RPTOR: variants seen among roughly 807,000 people sequenced by gnomAD.
The protein encoded by RPTOR is regulatory-associated protein of mTOR.
In RPTOR, 21 loss-of-function variants were observed where a neutral mutation model predicts 169.9. That is an observed-to-expected ratio of 0.12 (90% CI 0.09 to 0.18). The LOEUF is 0.18. RPTOR is among the 10% of genes least tolerant of loss of function. The pLI is 1.00. For missense variants in RPTOR, 1,133 were observed against 1,855.9 expected, an observed-to-expected ratio of 0.61 and a Z score of 7.16; for synonymous variants, 732 against 753.2, an observed-to-expected ratio of 0.97 and a Z score of 0.46.
At chr17:80,945,821 G>A (rs2069096333) in intron 26 of RPTOR, 40 bp downstream of exon 26, 7 of 1,257,592 alleles carry the variant, frequency 5.6e-6, no homozygotes, top group Middle Eastern at 2.3e-4. Flanking sequence ...CCGGCTGACC[G>A]ACAGCCCCAG....
At position 80,923,681 on chromosome 17, in the gene RPTOR, AGCCCGGCT is replaced by A. The variant is rs1242659380; in HGVS notation, c.2808+12_2808+19del. On this transcript the variant is annotated intron_variant, in intron 23 of 33. Coordinates refer to ENST00000306801, the MANE Select transcript of RPTOR (RefSeq NM_020761.3). ...GACAAGGGCCCAGAGCAGGTACGGG[AGCCCGGCT>A]GCCTGGTGATCTGGACACTGAGAGC... 6.3e-7 allele frequency: 1 copy of A among 1,576,580 alleles called. No homozygotes were observed. Among genetic ancestry groups the A allele is most frequent in the African/African-American group, 1.4e-5 (1 of 74,018 alleles).
intron 21 of RPTOR, among the ~76,000 whole-genome samples, chr17:80,916,943 A>G (rs2068680406): frequency 6.6e-6 from 1 of 152,096 alleles, no homozygotes; most frequent in Admixed American, 6.5e-5. Context: ...AGCCAAGATC[A>G]CACCACTGCA....
At chr17:80,863,359 G>A (rs2143772369) in intron 13 of RPTOR, among the ~76,000 whole-genome samples, 1 of 152,266 alleles carries the variant, frequency 6.6e-6, no homozygotes, top group Admixed American at 6.5e-5. Flanking sequence ...AAATTACCAG[G>A]CAGATAGAAT....
intron 25 of RPTOR, among the ~76,000 whole-genome samples, chr17:80,945,131 A>G (rs184954858): frequency 4.6e-5 from 7 of 152,030 alleles, no homozygotes; most frequent in Admixed American, 4.6e-4. Flanking sequence ...CTGTCTCAAC[A>G]AAAAACAAAA....
chr17:80,930,194 TGCCCA>T, intron 24 of RPTOR, among the ~76,000 whole-genome samples: 1 of 106,296 alleles, frequency 9.4e-6, no homozygotes, highest in South Asian at 3.3e-4. Context: ...CCCCAGCTCA[TGCCCA>T]GCTCATCCCC....
rs184162620 is a variant in RPTOR, at chr17:80,626,877, G to A, written c.265+1084G>A. Among the ~76,000 whole-genome samples the A allele has an allele frequency of 4.3e-3, 645 of 151,536 alleles. 4 individuals are homozygous for A. The highest frequency in any genetic ancestry group is 6.9e-3 in the Non-Finnish European group (466 of 67,918). ...TGAAATAATTCATAATGTTGTGCAA[G>A]CATCCTCACTGTCCATCTCTAGAAC... On this transcript the variant is annotated intron_variant, in intron 2 of 33. Coordinates refer to ENST00000306801, the MANE Select transcript of RPTOR (RefSeq NM_020761.3).
chr17:80,666,701 T>G (rs140963894), intron 3 of RPTOR, among the ~76,000 whole-genome samples: 301 of 152,332 alleles, frequency 2.0e-3, no homozygotes, highest in African/African-American at 7.0e-3. Context: ...CTTCAGCCTC[T>G]GTGAGCAGCG....
At chr17:80,916,075 C>G (rs983807514) in intron 21 of RPTOR, among the ~76,000 whole-genome samples, 1 of 152,176 alleles carries the variant, frequency 6.6e-6, no homozygotes, top group Non-Finnish European at 1.5e-5. Context: ...TTCCTGGATG[C>G]AGGACAAGAA....
At chr17:80,964,238 C>A (rs369516384) in intron 33 of RPTOR, 24 bp from the exon 34 acceptor site, 36 of 1,600,816 alleles carry the variant, frequency 2.2e-5, no homozygotes, top group Non-Finnish European at 3.0e-5. Context: ...TGAACCCCTG[C>A]TCACCCCTTC....
intron 13 of RPTOR, among the ~76,000 whole-genome samples, chr17:80,869,847 A>T (rs1213121172): frequency 6.6e-6 from 1 of 152,236 alleles, no homozygotes; most frequent in Non-Finnish European, 1.5e-5. Flanking sequence ...AACATGGCAG[A>T]GTATTTTTTG....
chr17:80,797,219 A>G (rs2067110154), intron 7 of RPTOR, among the ~76,000 whole-genome samples: 1 of 151,856 alleles, frequency 6.6e-6, no homozygotes, highest in African/African-American at 2.4e-5. Flanking sequence ...TGTAGCCTCA[A>G]CCTCCTGAGC....
intron 7 of RPTOR, among the ~76,000 whole-genome samples, chr17:80,796,014 C>T (rs729743): frequency 0.011 from 1,712 of 152,324 alleles, 15 homozygotes; most frequent in Middle Eastern, 0.051. Context: ...TCCCAGGCAT[C>T]GTTGCCCTGG....
At chr17:80,948,058 C>T (rs982420726) in intron 27 of RPTOR, among the ~76,000 whole-genome samples, 1 of 152,234 alleles carries the variant, frequency 6.6e-6, no homozygotes, top group Admixed American at 6.5e-5. Flanking sequence ...GATGAGAAGT[C>T]GCTGTCAGTC....
chr17:80,743,368 G>T (rs372343816), intron 5 of RPTOR: 1 of 985,532 alleles, frequency 1.0e-6, no homozygotes, highest in South Asian at 4.7e-5. Context: ...ACCGAGGGAG[G>T]CCTGAAGGAG....
At chr17:80,701,604 C>G (rs984981760) in intron 3 of RPTOR, among the ~76,000 whole-genome samples, 2 of 152,188 alleles carry the variant, frequency 1.3e-5, no homozygotes, top group African/African-American at 4.8e-5. Flanking sequence ...GGGGCCAGAA[C>G]TGGCCTGAGT....
chr17:80,827,637 C>G (rs1230703186), intron 9 of RPTOR, among the ~76,000 whole-genome samples: 1 of 152,196 alleles, frequency 6.6e-6, no homozygotes, highest in Admixed American at 6.5e-5. Context: ...GGGCCACGTT[C>G]AAGCCTGTCC....
intron 1 of RPTOR, 130 bp downstream of exon 1, chr17:80,545,921 G>T: frequency 1.3e-6 from 1 of 765,214 alleles, no homozygotes; most frequent in East Asian, 2.9e-5. Flanking sequence ...CAACTAGAAA[G>T]CAAAAGCCAT....
Position 80,707,002 on chromosome 17 carries a change from A to G in RPTOR, c.349-839A>G, listed in dbSNP as rs2066146874. Among the ~76,000 whole-genome samples the G allele has an allele frequency of 6.6e-6, 1 of 152,132 alleles. No homozygotes were observed. The highest frequency in any genetic ancestry group is 2.1e-4 in the South Asian group (1 of 4,816). ...CTTTCGAGATGGGGTTTTCTTTGCC[A>G]TGATGTTCCTTTGTTTATTATTTGT... On this transcript the variant is annotated intron_variant, in intron 3 of 33. Coordinates refer to ENST00000306801, the MANE Select transcript of RPTOR (RefSeq NM_020761.3). This position sits in a 1 kb window ranked among gnomAD's most constrained non-coding sequence, Gnocchi z 5.0.
rs1258774025 is a variant in RPTOR, at chr17:80,959,430, G to T, written c.3478-648G>T. On this transcript the variant is annotated intron_variant, in intron 29 of 33. Coordinates refer to ENST00000306801, the MANE Select transcript of RPTOR (RefSeq NM_020761.3). The surrounding 1 kb of genome is among the most constrained non-coding windows in gnomAD (Gnocchi z 6.7). ...CCAGAGCCGGCTCTGCCCCTCGCAGGGGTCTGGCCCCATCATCCCCACGCC... is the reference window on the plus strand; with the variant it reads ...CCAGAGCCGGCTCTGCCCCTCGCAGTGGTCTGGCCCCATCATCCCCACGCC... Among the ~76,000 whole-genome samples the T allele has an allele frequency of 6.6e-6, 1 of 152,178 alleles. No individual in the cohort carries two copies. Among genetic ancestry groups the T allele is most frequent in the Non-Finnish European group, 1.5e-5 (1 of 68,026 alleles).
Sources: gnomAD v4.1 joint callset for allele counts (sites outside exome capture counted in the v4.1 genomes callset) on GRCh38, gnomAD v4.1.1 for gene constraint, Gnocchi (gnomAD v3.1) non-coding constraint, MANE v1.5 for transcripts, NCBI Gene and HGNC (gene_info 2026-07-23, HGNC 2026-07-21) for gene names.